CPNE8: variants seen among roughly 807,000 people sequenced by gnomAD.
The protein encoded by CPNE8 is copine-8.
Under a neutral mutation model 81.5 loss-of-function variants are expected in CPNE8, and 45 were observed. That is an observed-to-expected ratio of 0.55 (90% confidence interval 0.44 to 0.71). CPNE8 has a LOEUF of 0.71. Among genes scored for constraint, CPNE8 ranks in the 30% least tolerant of loss-of-function variants. CPNE8 has a pLI of 0.00. For synonymous variants in CPNE8, 252 were observed against 226.3 expected, an observed-to-expected ratio of 1.11 and a Z score of -1.02; for missense variants, 594 against 672.1, an observed-to-expected ratio of 0.88 and a Z score of 1.28.
chr12:38,799,836 CT>C (rs1275916509), intron 6 of CPNE8, among the ~76,000 whole-genome samples: 1 of 149,616 alleles, frequency 6.7e-6, no homozygotes, highest in Non-Finnish European at 1.5e-5. Context: ...GAGGCATTGC[CT>C]CACCTGGGAA....
rs539364409 is a variant in CPNE8, at chr12:38,797,357, G to A, written c.408-21056C>T. On this transcript the variant is annotated intron_variant, in intron 6 of 19. Coordinates refer to ENST00000331366, the MANE Select transcript of CPNE8 (RefSeq NM_153634.3). Reference sequence around the variant, plus strand: ...GTACTCCTCTGAGACAAAACTTCCAGAGGAACTAGCAGACGGCAGCATTCG... The same window carrying A: ...GTACTCCTCTGAGACAAAACTTCCAAAGGAACTAGCAGACGGCAGCATTCG... Among the ~76,000 whole-genome samples the A allele has an allele frequency of 1.4e-3, 217 of 152,264 alleles. 1 individual carries two copies. The highest frequency in any genetic ancestry group is 4.9e-3 in the African/African-American group (204 of 41,554).
intron 13 of CPNE8, among the ~76,000 whole-genome samples, chr12:38,719,525 C>T (rs1427597779): frequency 1.3e-5 from 2 of 150,160 alleles, no homozygotes; most frequent in Admixed American, 6.6e-5. Context: ...ATTGCTTGAA[C>T]CCAGGAGGCA....
At chr12:38,781,415 G>C (rs1365580919) in intron 6 of CPNE8, among the ~76,000 whole-genome samples, 1 of 151,820 alleles carries the variant, frequency 6.6e-6, no homozygotes, top group Non-Finnish European at 1.5e-5. Context: ...AACAAAATTT[G>C]ATTCAAAAAA....
chr12:38,832,867 T>C (rs1197268740), intron 5 of CPNE8, among the ~76,000 whole-genome samples: 1 of 152,130 alleles, frequency 6.6e-6, no homozygotes, highest in Non-Finnish European at 1.5e-5. Flanking sequence ...TTTCTCACAT[T>C]TTAATATTAT....
chr12:38,703,509 G>A (rs1940006446), intron 13 of CPNE8, among the ~76,000 whole-genome samples: 1 of 152,074 alleles, frequency 6.6e-6, no homozygotes, highest in Non-Finnish European at 1.5e-5. Flanking sequence ...CATACTGAAT[G>A]GGCAAAAACT....
chr12:38,762,267 A>T (rs765924798), intron 8 of CPNE8, 51 bp from the exon 9 acceptor site: 1 of 1,100,302 alleles, frequency 9.1e-7, no homozygotes, highest in Non-Finnish European at 1.3e-6. Context: ...ATTTTAATTG[A>T]TCTATTGTTT....
At chr12:38,798,518 C>A (rs1156834289) in intron 6 of CPNE8, among the ~76,000 whole-genome samples, 4 of 151,896 alleles carry the variant, frequency 2.6e-5, no homozygotes, top group Non-Finnish European at 5.9e-5. Flanking sequence ...TTGTCACCAC[C>A]AGGCCTGCCC....
At position 38,801,329 on chromosome 12, in the gene CPNE8, C is replaced by A. The variant is rs1163022416; in HGVS notation, c.408-25028G>T. On this transcript the variant is annotated intron_variant, in intron 6 of 19. Transcript: ENST00000331366. ...ATCTCTCGGCAGAAACCCTACAAGC[C>A]AGAAGAGAGTGGGGGCCAATATTCA... 4.6e-3 allele frequency among the ~76,000 whole-genome samples: 120 copies of A among 26,022 alleles called. 2 individuals are homozygous for A. The highest frequency in any genetic ancestry group is 0.018 in the African/African-American group (107 of 5,962). The allele number at this position is 26,022 out of a possible 152,430, so 17.1% of individuals were successfully genotyped here.
At chr12:38,777,351 G>T (rs1269671815) in intron 6 of CPNE8, among the ~76,000 whole-genome samples, 2 of 152,074 alleles carry the variant, frequency 1.3e-5, no homozygotes, top group East Asian at 3.8e-4. Context: ...GTACAGCTGT[G>T]CAATGTGTTT....
intron 10 of CPNE8, among the ~76,000 whole-genome samples, chr12:38,737,762 G>C (rs1168735345): frequency 6.6e-6 from 1 of 151,818 alleles, no homozygotes; most frequent in African/African-American, 2.4e-5. Flanking sequence ...TTTGAACCAA[G>C]GTTCATATTT....
chr12:38,675,209 C>T (rs190178309), intron 18 of CPNE8, among the ~76,000 whole-genome samples: 3 of 152,302 alleles, frequency 2.0e-5, no homozygotes, highest in Admixed American at 2.0e-4. Flanking sequence ...TTTCATATGA[C>T]ACAACTTCTT....
At chr12:38,764,884 A>T (rs1243071436) in intron 8 of CPNE8, among the ~76,000 whole-genome samples, 1 of 151,946 alleles carries the variant, frequency 6.6e-6, no homozygotes, top group African/African-American at 2.4e-5. Context: ...GAGAGAGAAA[A>T]AGAGAGACAG....
chr12:38,823,879 G>A (rs932179748), intron 6 of CPNE8, among the ~76,000 whole-genome samples: 1 of 152,124 alleles, frequency 6.6e-6, no homozygotes, highest in Non-Finnish European at 1.5e-5. Context: ...CAATCTCACA[G>A]CATGAGAAAA....
intron 6 of CPNE8, among the ~76,000 whole-genome samples, chr12:38,800,924 G>T (rs1392879236): frequency 7.6e-6 from 1 of 132,268 alleles, no homozygotes; most frequent in African/African-American, 2.9e-5. Flanking sequence ...AAGATGAAAT[G>T]AATGAAATGA....
At chr12:38,800,062 C>G (rs182187931) in intron 6 of CPNE8, among the ~76,000 whole-genome samples, 1 of 128,020 alleles carries the variant, frequency 7.8e-6, no homozygotes, top group Non-Finnish European at 1.7e-5. Context: ...AACTGCAAGG[C>G]GGCAACGAGG....
intron 15 of CPNE8, among the ~76,000 whole-genome samples, chr12:38,689,541 A>G (rs1939620534): frequency 6.6e-6 from 1 of 152,232 alleles, no homozygotes; most frequent in East Asian, 1.9e-4. Flanking sequence ...TCAATGAACA[A>G]ACACCTATTG....
intron 6 of CPNE8, among the ~76,000 whole-genome samples, chr12:38,779,414 C>A (rs191964011): frequency 2.6e-5 from 4 of 152,236 alleles, no homozygotes; most frequent in African/African-American, 9.6e-5. Flanking sequence ...ATCTCATTAA[C>A]TAGATTGCCT....
intron 1 of CPNE8, among the ~76,000 whole-genome samples, chr12:38,892,844 C>G (rs919815871): frequency 6.6e-6 from 1 of 152,156 alleles, no homozygotes; most frequent in Non-Finnish European, 1.5e-5. Context: ...ATATCAAACA[C>G]TGTTCATTTC....
intron 1 of CPNE8, among the ~76,000 whole-genome samples, chr12:38,886,237 C>T (rs1944235646): frequency 6.6e-6 from 1 of 152,162 alleles, no homozygotes; most frequent in Admixed American, 6.5e-5. Context: ...CCACCAGTTC[C>T]ACCATTTACT....
Sources: allele counts gnomAD v4.1 joint callset (sites outside exome capture counted in the v4.1 genomes callset), GRCh38; gene constraint gnomAD v4.1.1; transcripts MANE v1.5; gene names NCBI Gene and HGNC (gene_info 2026-07-23, HGNC 2026-07-21).